PPARGC1A: variants seen among roughly 807,000 people sequenced by gnomAD.
PPARGC1A encodes the protein PPARG coactivator 1 alpha.
PPARGC1A carries 25 observed loss-of-function variants against 88.7 expected under a neutral mutation model. That is an observed-to-expected ratio of 0.28 (90% CI 0.21 to 0.39). The LOEUF is 0.39. Among genes scored for constraint, PPARGC1A ranks in the 10% least tolerant of loss-of-function variants. The probability of loss-of-function intolerance (pLI) is 1.00; values close to 1 mark genes in which losing one functional copy is unlikely to be tolerated. For missense variants in PPARGC1A, 880 were observed against 968.7 expected (o/e 0.91, Z 1.22); for synonymous variants, 363 against 355.6 (o/e 1.02, Z -0.24).
the PPARGC1A span, among the ~76,000 whole-genome samples, chr4:24,350,730 G>A: frequency 6.6e-6 from 1 of 152,158 alleles, no homozygotes; most frequent in Non-Finnish European, 1.5e-5. Flanking sequence ...CTATAACATG[G>A]TCTCTCATTC....
the PPARGC1A span, among the ~76,000 whole-genome samples, chr4:23,987,559 T>C: frequency 1.8e-4 from 27 of 152,096 alleles, no homozygotes; most frequent in African/African-American, 6.5e-4. Flanking sequence ...GTGTCACTGC[T>C]TCCTGGAAGC....
At chr4:24,136,831 T>C in the PPARGC1A span, among the ~76,000 whole-genome samples, 1 of 152,098 alleles carries the variant, frequency 6.6e-6, no homozygotes, top group Non-Finnish European at 1.5e-5. Context: ...TAAGGTAAAA[T>C]GGACCTGGGG....
upstream of PPARGC1A, among the ~76,000 whole-genome samples, chr4:23,901,883 G>GT (rs1000654402): frequency 2.2e-4 from 33 of 151,320 alleles, no homozygotes; most frequent in African/African-American, 2.9e-4. Flanking sequence ...ATATTTAAGG[G>GT]TTTTTTTTTC....
At chr4:24,270,736 A>G in the PPARGC1A span, among the ~76,000 whole-genome samples, 1 of 152,198 alleles carries the variant, frequency 6.6e-6, no homozygotes, top group Non-Finnish European at 1.5e-5. Flanking sequence ...GGTAGCTCCT[A>G]TTCCTTTTGG....
chr4:24,164,556 G>GTA, the PPARGC1A span, among the ~76,000 whole-genome samples: 1 of 150,730 alleles, frequency 6.6e-6, no homozygotes, highest in African/African-American at 2.5e-5. Flanking sequence ...ACATATACAT[G>GTA]TATATATACA....
chr4:24,271,385 CTT>C, the PPARGC1A span, among the ~76,000 whole-genome samples: 5 of 151,084 alleles, frequency 3.3e-5, no homozygotes, highest in African/African-American at 9.7e-5. Context: ...TGTCCTTTTA[CTT>C]TTTTTTTTGA....
the PPARGC1A span, among the ~76,000 whole-genome samples, chr4:24,150,669 T>C: frequency 1.3e-5 from 2 of 152,124 alleles, no homozygotes; most frequent in Non-Finnish European, 2.9e-5. Flanking sequence ...ATAGCGATCT[T>C]TTCAGTGCCG....
the PPARGC1A span, among the ~76,000 whole-genome samples, chr4:24,160,611 T>G: frequency 6.6e-6 from 1 of 152,294 alleles, no homozygotes; most frequent in East Asian, 1.9e-4. Flanking sequence ...GCCTCCATCA[T>G]CTCAACTCAG....
the PPARGC1A span, among the ~76,000 whole-genome samples, chr4:24,191,261 T>C: frequency 2.6e-5 from 4 of 152,168 alleles, no homozygotes; most frequent in Admixed American, 6.5e-5. Context: ...TAGCATCCAG[T>C]AGGAGACAGG....
At chr4:23,872,845 G>A (rs941670863) in intron 2 of PPARGC1A, among the ~76,000 whole-genome samples, 5 of 152,132 alleles carry the variant, frequency 3.3e-5, no homozygotes, top group Admixed American at 6.6e-5. Context: ...GAAATGTGAC[G>A]ATGTTGCAAA....
At chr4:24,421,433 C>T in the PPARGC1A span, among the ~76,000 whole-genome samples, 1 of 151,876 alleles carries the variant, frequency 6.6e-6, no homozygotes, top group East Asian at 1.9e-4. Flanking sequence ...GCCTCAGCCT[C>T]CCGAGTAGCT....
At chr4:24,269,054 ACTCT>A in the PPARGC1A span, among the ~76,000 whole-genome samples, 9 of 152,024 alleles carry the variant, frequency 5.9e-5, no homozygotes, top group African/African-American at 9.7e-5. Context: ...ATATGTAACT[ACTCT>A]CTCTAATATA....
chr4:24,186,243 G>A, the PPARGC1A span, among the ~76,000 whole-genome samples: 1 of 152,086 alleles, frequency 6.6e-6, no homozygotes, highest in Non-Finnish European at 1.5e-5. Context: ...GAGACAGAGA[G>A]ACCTAGTGCC....
chr4:24,312,397 T>C, the PPARGC1A span, among the ~76,000 whole-genome samples: 2 of 152,142 alleles, frequency 1.3e-5, no homozygotes, highest in East Asian at 3.8e-4. Flanking sequence ...TTCCTATTTT[T>C]TTTTTTAGGT....
At chr4:24,031,294 C>T in the PPARGC1A span, among the ~76,000 whole-genome samples, 6 of 152,126 alleles carry the variant, frequency 3.9e-5, no homozygotes, top group Non-Finnish European at 7.3e-5. Flanking sequence ...ATTTCTGGCC[C>T]CTTAATAGAT....
chr4:23,822,757 G>T (rs371499221), intron 7 of PPARGC1A, among the ~76,000 whole-genome samples: 6 of 151,994 alleles, frequency 3.9e-5, no homozygotes, highest in Admixed American at 6.6e-5. Flanking sequence ...CTCCAGGAAG[G>T]TTCCAAACTT....
At chr4:24,453,733 T>C in the PPARGC1A span, among the ~76,000 whole-genome samples, 1 of 151,938 alleles carries the variant, frequency 6.6e-6, no homozygotes, top group Admixed American at 6.6e-5. Flanking sequence ...TGAGCCGAGA[T>C]CATGCCATTG....
chr4:24,283,118 C>A, the PPARGC1A span, among the ~76,000 whole-genome samples: 1 of 152,114 alleles, frequency 6.6e-6, no homozygotes, highest in Non-Finnish European at 1.5e-5. Context: ...TACAAGCCAC[C>A]CCCTTGTGAG....
the PPARGC1A span, among the ~76,000 whole-genome samples, chr4:24,214,536 C>T: frequency 1.3e-5 from 2 of 152,288 alleles, no homozygotes; most frequent in African/African-American, 2.4e-5. Flanking sequence ...AGGACTGCCA[C>T]GTGAGAGACA....
Sources: gnomAD v4.1 joint callset for allele counts (sites outside exome capture counted in the v4.1 genomes callset) on GRCh38, gnomAD v4.1.1 for gene constraint, MANE v1.5 for transcripts, NCBI Gene and HGNC (gene_info 2026-07-23, HGNC 2026-07-21) for gene names.